Variants in RRM2B observed in about 807,000 individuals in gnomAD.
RRM2B encodes ribonucleotide reductase regulatory TP53 inducible subunit M2B, also known as ribonucleoside-diphosphate reductase subunit M2 B.
RRM2B carries 20 observed loss-of-function variants against 45.9 expected under a neutral mutation model. The observed-to-expected ratio is 0.44, with a 90% CI of 0.31 to 0.63. The LOEUF is 0.63. Among genes scored for constraint, RRM2B ranks in the 30% least tolerant of loss-of-function variants. The probability of loss-of-function intolerance (pLI) is 0.09; values close to 1 mark genes in which losing one functional copy is unlikely to be tolerated. For synonymous variants in RRM2B, 124 were observed against 132.3 expected, an observed-to-expected ratio of 0.94 and a Z score of 0.43; for missense variants, 320 against 414.7, an observed-to-expected ratio of 0.77 and a Z score of 1.98.
intron 6 of RRM2B, among the ~76,000 whole-genome samples, chr8:102,217,721 A>G (rs903279644): frequency 7.2e-5 from 11 of 152,098 alleles, no homozygotes; most frequent in African/African-American, 2.7e-4. Context: ...AGACATGGAC[A>G]GGTTCAGGTT....
chr8:102,226,179 A>T (rs1810928613), intron 2 of RRM2B, 145 bp from the exon 3 acceptor site: 1 of 505,978 alleles, frequency 2.0e-6, no homozygotes, highest in Non-Finnish European at 3.6e-6. Context: ...GCAAAGAAAT[A>T]AAAAAAAAAG....
chr8:102,231,603 G>C (rs1315196204), intron 2 of RRM2B, among the ~76,000 whole-genome samples: 1 of 152,150 alleles, frequency 6.6e-6, no homozygotes, highest in Non-Finnish European at 1.5e-5. Context: ...GGGCGTGGTG[G>C]CTCATGCCTG....
At chr8:102,228,537 C>A (rs529954004) in intron 2 of RRM2B, among the ~76,000 whole-genome samples, 1 of 152,382 alleles carries the variant, frequency 6.6e-6, no homozygotes, top group East Asian at 1.9e-4. Context: ...GCCCACTGAG[C>A]CGTTAAAACT....
Position 102,224,868 on chromosome 8 carries a change from T to C in RRM2B, c.455+17A>G, listed in dbSNP as rs1197122300. On this transcript the variant is annotated intron_variant, in intron 4 of 8. Transcript: ENST00000251810. ...CAAGCCGTAAGCAATATTTTGTAAA[T>C]AAAATCCCAACAATACCTTTTCTTG... is the stretch of plus-strand genomic sequence containing the variant. The C allele has an allele frequency of 5.6e-6, 9 of 1,612,048 alleles. No individual in the cohort carries two copies. The highest frequency in any genetic ancestry group is 3.3e-4 in the Middle Eastern group (2 of 6,082).
chr8:102,232,288 G>T lies in RRM2B; in HGVS notation c.65C>A (p.Thr22Asn). ...ATTTGACTTTATTTCACTTTCGTTG[G>T]TGTCTGAAGATGATCTCTTTGAAAA... is the stretch of plus-strand genomic sequence containing the variant. ...LDQDERSSSDTNESEIKSNEE... is the reference protein window; with the variant it reads ...LDQDERSSSDNNESEIKSNEE... Residue 22 changes from threonine to asparagine, a missense_variant, in exon 2 of 9, where the codon ACC becomes AAC. Thr to Asn is a moderately conservative substitution (Grantham distance 65, BLOSUM62 0). Coordinates refer to ENST00000251810, the MANE Select transcript of RRM2B (RefSeq NM_015713.5). The T allele has an allele frequency of 1.2e-6, 2 of 1,614,088 alleles. No homozygotes were observed. The highest frequency in any genetic ancestry group is 1.7e-6 in the Non-Finnish European group (2 of 1,179,968).
intron 2 of RRM2B, 98 bp from the exon 3 acceptor site, chr8:102,226,132 TACCAG>T: frequency 1.3e-6 from 1 of 756,946 alleles, no homozygotes; most frequent in Non-Finnish European, 2.4e-6. Context: ...AATATCCCAC[TACCAG>T]TAAACTATGG....
chr8:102,215,816 T>C (rs534009997), intron 6 of RRM2B, among the ~76,000 whole-genome samples: 80 of 151,668 alleles, frequency 5.3e-4, no homozygotes, highest in Non-Finnish European at 1.0e-3. Context: ...TGGTGGTACA[T>C]GCATGTAGTT....
Position 102,217,060 on chromosome 8 carries a change from T to C in RRM2B, c.684+1754A>G, listed in dbSNP as rs545064143. On this transcript the variant is annotated intron_variant, in intron 6 of 8. Coordinates refer to ENST00000251810, the MANE Select transcript of RRM2B (RefSeq NM_015713.5). ...ATATGTAAAGGTATTCATTTTATAC[T>C]ATAGTAAAACAAAAAACCTGGAAAT... Among the ~76,000 whole-genome samples, 37 of 152,232 alleles carry C rather than the reference T, an allele frequency of 2.4e-4. 1 individual carries two copies. The highest frequency in any genetic ancestry group is 2.2e-3 in the Admixed American group (34 of 15,294).
chr8:102,235,064 C>T (rs1301432240), intron 1 of RRM2B, among the ~76,000 whole-genome samples: 1 of 152,046 alleles, frequency 6.6e-6, no homozygotes, highest in Non-Finnish European at 1.5e-5. Context: ...AAGATGTATG[C>T]TATTGGGAGC....
intron 1 of RRM2B, among the ~76,000 whole-genome samples, chr8:102,236,710 G>A (rs186740859): frequency 8.5e-5 from 13 of 152,284 alleles, no homozygotes; most frequent in East Asian, 3.9e-4. Flanking sequence ...TATTATAGCC[G>A]CACAGGTGTA....
intron 5 of RRM2B, among the ~76,000 whole-genome samples, chr8:102,221,472 T>C (rs182113560): frequency 1.5e-4 from 23 of 152,278 alleles, no homozygotes; most frequent in Non-Finnish European, 2.9e-5. Context: ...TAAAGGAAAG[T>C]AGCAGTGTGC....
chr8:102,210,533 G>A (rs1810617898), intron 8 of RRM2B, among the ~76,000 whole-genome samples: 1 of 152,094 alleles, frequency 6.6e-6, no homozygotes, highest in Admixed American at 6.5e-5. Flanking sequence ...CACAATCTCG[G>A]CTCACTGCAA....
At position 102,218,998 on chromosome 8, in the gene RRM2B, C is replaced by CAT. The variant is rs140211498; in HGVS notation, c.551-53_551-52dup. On this transcript the variant is annotated intron_variant, in intron 5 of 8. Coordinates refer to ENST00000251810, the MANE Select transcript of RRM2B (RefSeq NM_015713.5). ...TTTTGAAATATACTGCAAACATTTG[C>CAT]ATATATATATATACACATATATAAC... 3,079 of 1,506,054 alleles carry CAT rather than the reference C, an allele frequency of 2.0e-3. 1 individual carries two copies. The highest frequency in any genetic ancestry group is 3.9e-3 in the Middle Eastern group (23 of 5,862). The allele number at this position is 1,506,054 out of a possible 1,614,324, so 93.3% of individuals were successfully genotyped here. A position where few individuals can be genotyped will look rare whatever the true frequency, so the allele number is the denominator to read the frequency against.
chr8:102,215,944 C>CA (rs60059243), intron 6 of RRM2B, among the ~76,000 whole-genome samples: 3,451 of 75,438 alleles, frequency 0.046, 98 homozygotes, highest in African/African-American at 0.07. Context: ...GACCCTGTCT[C>CA]AAAAAAAAAA....
At chr8:102,218,031 T>C (rs982910732) in intron 6 of RRM2B, among the ~76,000 whole-genome samples, 2 of 152,042 alleles carry the variant, frequency 1.3e-5, no homozygotes, top group African/African-American at 4.8e-5. Flanking sequence ...CAACAAATTT[T>C]TGGAGAAAGA....
At chr8:102,224,756 T>C in intron 4 of RRM2B, 129 bp downstream of exon 4, 3 of 910,474 alleles carry the variant, frequency 3.3e-6, no homozygotes, top group South Asian at 1.5e-5. Flanking sequence ...TATTAAGCAA[T>C]AGAAAATATT....
intron 8 of RRM2B, among the ~76,000 whole-genome samples, chr8:102,211,266 G>A (rs1810631194): frequency 6.6e-6 from 1 of 152,224 alleles, no homozygotes; most frequent in Non-Finnish European, 1.5e-5. Flanking sequence ...AGAGTTCTGG[G>A]ATTAGAGGTG....
chr8:102,214,935 G>A (rs927990751), intron 6 of RRM2B, among the ~76,000 whole-genome samples: 2 of 149,448 alleles, frequency 1.3e-5, no homozygotes, highest in South Asian at 2.1e-4. Context: ...ACCCGAGTAT[G>A]GTTATACAAA....
At chr8:102,225,768 G>T in intron 3 of RRM2B, 150 bp downstream of exon 3, 3 of 661,560 alleles carry the variant, frequency 4.5e-6, no homozygotes, top group Non-Finnish European at 8.3e-6. Context: ...CAAAGGATAA[G>T]CAATTCATCA....
Sources: gnomAD v4.1 joint callset for allele counts (sites outside exome capture counted in the v4.1 genomes callset) on GRCh38, gnomAD v4.1.1 for gene constraint, MANE v1.5 for transcripts, NCBI Gene and HGNC (gene_info 2026-07-23, HGNC 2026-07-21) for gene names.